The following EBPL variants were observed in gnomAD, a reference collection of about 807,000 sequenced individuals.
EBPL encodes emopamil-binding protein-like.
EBPL carries 20 observed loss-of-function variants against 19.0 expected under a neutral mutation model. The observed-to-expected ratio is 1.05, with a 90% CI of 0.74 to 1.53. The LOEUF (loss-of-function observed/expected upper bound fraction) is 1.53, where lower values mean the gene tolerates loss of function less well. Among genes scored for constraint, EBPL ranks in the 40% most tolerant of loss-of-function variants. The probability of loss-of-function intolerance (pLI) is 0.00; values close to 1 mark genes in which losing one functional copy is unlikely to be tolerated. For synonymous variants in EBPL, 107 were observed against 117.0 expected (o/e 0.91, Z 0.55); for missense variants, 219 against 261.1 (o/e 0.84, Z 1.11).
intron 1 of EBPL, among the ~76,000 whole-genome samples, chr13:49,673,228 T>C (rs1023426742): frequency 1.3e-5 from 2 of 152,176 alleles, no homozygotes; most frequent in East Asian, 1.9e-4. Context: ...AACCAGAGTT[T>C]GGCAGTTTCT....
At position 49,669,736 on chromosome 13, in the gene EBPL, C is replaced by T. The variant is rs1286617703; in HGVS notation, c.241+41G>A. On this transcript the variant is annotated intron_variant, in intron 2 of 3. Transcript: ENST00000242827. ...TTTGACAGTCACACTTGCAATAAAC[C>T]TCCTCCAACATTTCAAACGCAAACG... 6 of 1,567,256 alleles carry T rather than the reference C, an allele frequency of 3.8e-6. No homozygotes were observed. In the South Asian group the frequency reaches 5.5e-5, roughly 14 times the overall value.
intron 3 of EBPL, chr13:49,661,721 T>C: frequency 6.9e-7 from 1 of 1,450,624 alleles, no homozygotes; most frequent in Non-Finnish European, 9.0e-7. Flanking sequence ...GCAACCAGCG[T>C]CATGGAGTGA....
At chr13:49,669,907 T>C in intron 1 of EBPL, 61 bp from the exon 2 acceptor site, 5 of 1,296,730 alleles carry the variant, frequency 3.9e-6, no homozygotes, top group Non-Finnish European at 3.4e-6. Context: ...GATGGCACTG[T>C]AGACACATGG....
At position 49,668,583 on chromosome 13, in the gene EBPL, G is replaced by GA. The variant is rs375329437; in HGVS notation, c.241+1193dup. ...AGCGAGACTCGCCTGAAAAAAAAAAGAAAAAAAAGAAATGAGATAAATGAT... is the reference window on the plus strand; with the variant it reads ...AGCGAGACTCGCCTGAAAAAAAAAAGAAAAAAAAAGAAATGAGATAAATGAT... On this transcript the variant is annotated intron_variant, in intron 2 of 3. Coordinates refer to ENST00000242827, the MANE Select transcript of EBPL (RefSeq NM_032565.5). 7.5e-4 allele frequency: 312 copies of GA among 415,118 alleles called. 6 individuals carry two copies. Among genetic ancestry groups the GA allele is most frequent in the South Asian group, 4.9e-3 (287 of 58,924 alleles). 25.7% of individuals were successfully genotyped at this position (415,118 alleles called of 1,614,324 possible). A position where few individuals can be genotyped will look rare whatever the true frequency, so the allele number is the denominator to read the frequency against.
intron 1 of EBPL, among the ~76,000 whole-genome samples, chr13:49,686,179 T>C (rs1421743798): frequency 6.6e-6 from 1 of 152,214 alleles, no homozygotes; most frequent in African/African-American, 2.4e-5. Context: ...TCAACCTCCA[T>C]GGCCAAGCAC....
At chr13:49,678,788 G>A (rs1379882672) in intron 1 of EBPL, among the ~76,000 whole-genome samples, 2 of 152,072 alleles carry the variant, frequency 1.3e-5, no homozygotes, top group Non-Finnish European at 2.9e-5. Flanking sequence ...CGAGGCTGAG[G>A]AGGCACCGAG....
intron 1 of EBPL, chr13:49,686,490 T>C (rs1384147478): frequency 8.0e-7 from 1 of 1,254,996 alleles, no homozygotes; most frequent in African/African-American, 1.6e-5. Flanking sequence ...ATTTTCTTTC[T>C]TTTTTTTTAA....
chr13:49,679,705 A>C (rs1431137815), intron 1 of EBPL, among the ~76,000 whole-genome samples: 1 of 151,838 alleles, frequency 6.6e-6, no homozygotes, highest in Non-Finnish European at 1.5e-5. Context: ...GGGTCTCGTT[A>C]TGTGGTTGAG....
intron 1 of EBPL, among the ~76,000 whole-genome samples, chr13:49,688,996 A>G (rs186209035): frequency 6.6e-6 from 1 of 152,234 alleles, no homozygotes; most frequent in South Asian, 2.1e-4. Context: ...AATGACAGAA[A>G]AATGTGTCCA....
chr13:49,665,339 T>G (rs1374821525), intron 2 of EBPL, among the ~76,000 whole-genome samples: 1 of 152,208 alleles, frequency 6.6e-6, no homozygotes, highest in South Asian at 2.1e-4. Context: ...TGGCCAGATC[T>G]TGGCTCGCTG....
chr13:49,666,375 C>T (rs575812677), intron 2 of EBPL, among the ~76,000 whole-genome samples: 1 of 152,250 alleles, frequency 6.6e-6, no homozygotes, highest in South Asian at 2.1e-4. Context: ...GTTTGGCCAT[C>T]TGAGGCCCCC....
intron 1 of EBPL, among the ~76,000 whole-genome samples, chr13:49,672,406 G>A (rs181551058): frequency 3.9e-5 from 6 of 152,282 alleles, no homozygotes; most frequent in Admixed American, 1.3e-4. Flanking sequence ...CTGCTGGGAG[G>A]TCAGTGCCCT....
In EBPL at chr13:49,663,125, C is replaced by T. The variant is rs753641175; in HGVS notation, c.312G>A (p.Leu104=). The part of the protein sequence containing the change: ...FDPTIVSVEI[L]TVALDGSLAL... ...CCAGAGACCCATCCAGGGCGACGGT[C>T]AGAATTTCCACAGACACAATGGTTG... The change falls in exon 3 of 4, where the codon CTG becomes CTA. Residue 104 remains leucine (L), a synonymous_variant. Coordinates refer to ENST00000242827, the MANE Select transcript of EBPL (RefSeq NM_032565.5). The T allele has an allele frequency of 8.1e-6, 13 of 1,614,018 alleles. No homozygotes were observed. Among genetic ancestry groups the T allele is most frequent in the Non-Finnish European group, 6.8e-6 (8 of 1,180,016 alleles).
Position 49,661,103 on chromosome 13 carries a change from C to A in EBPL, c.486G>T (p.Trp162Cys), listed in dbSNP as rs567442382. The A allele has an allele frequency of 1.2e-6, 2 of 1,614,146 alleles. No individual in the cohort carries two copies. The highest frequency in any genetic ancestry group is 3.3e-5 in the Admixed American group (2 of 60,014). Residue 162 changes from tryptophan to cysteine, a missense_variant, in exon 4 of 4, where the codon TGG becomes TGT. Trp to Cys is a radical substitution (Grantham distance 215). Around this residue, in one of 2 missense-constraint regions of EBPL, gnomAD observed 49 missense variants for 94.1 expected, o/e 0.52. Transcript: ENST00000242827. The part of the protein sequence containing the change: ...TRSPNLNTSN[W>C]LYCWLYLFFF... ...AAAACAGGTAAAGCCAACAGTACAG[C>A]CAGTTGCTGGTGTTGAGGTTGGGGC...
intron 1 of EBPL, among the ~76,000 whole-genome samples, chr13:49,688,718 CAAAAAAAA>C (rs56059575): frequency 1.0e-5 from 1 of 95,446 alleles, no homozygotes. Context: ...GACTCCGTCT[CAAAAAAAA>C]AAAAAAAAAA....
chr13:49,668,568 G>A (rs1487983097), intron 2 of EBPL: 10 of 405,496 alleles, frequency 2.5e-5, no homozygotes, highest in South Asian at 1.4e-4. Flanking sequence ...AGCGAGACTC[G>A]CCTGAAAAAA....
At chr13:49,678,762 T>C (rs1356174014) in intron 1 of EBPL, among the ~76,000 whole-genome samples, 8 of 152,016 alleles carry the variant, frequency 5.3e-5, no homozygotes, top group Admixed American at 4.6e-4. Flanking sequence ...TCCTCAAGCA[T>C]GGCCAGAGTG....
At chr13:49,690,850 TA>T (rs1485922051) in intron 1 of EBPL, among the ~76,000 whole-genome samples, 4 of 152,224 alleles carry the variant, frequency 2.6e-5, no homozygotes, top group African/African-American at 9.6e-5. Context: ...TTTGCGACAA[TA>T]GCCTTGCTGC....
intron 2 of EBPL, among the ~76,000 whole-genome samples, chr13:49,666,686 T>G (rs1594405373): frequency 8.1e-6 from 1 of 123,394 alleles, no homozygotes; most frequent in African/African-American, 3.1e-5. Context: ...CAGTCCAGCT[T>G]GGGCGAAAGA....
Sources: gnomAD v4.1 joint callset for allele counts (sites outside exome capture counted in the v4.1 genomes callset) on GRCh38, gnomAD v4.1.1 for gene constraint, gnomAD v4.1.1 regional missense constraint, MANE v1.5 for transcripts, NCBI Gene and HGNC (gene_info 2026-07-23, HGNC 2026-07-21) for gene names.